SCN10A: variants seen among roughly 807,000 people sequenced by gnomAD.
SCN10A encodes the protein sodium channel protein type 10 subunit alpha.
A neutral mutation model predicts 170.7 loss-of-function variants in SCN10A; 162 were observed. The ratio of observed to expected loss-of-function variants is 0.95; its 90% CI spans 0.84 to 1.08. The LOEUF (loss-of-function observed/expected upper bound fraction) is 1.08, where lower values mean the gene tolerates loss of function less well. Among genes scored for constraint, SCN10A ranks in the 50% least tolerant of loss-of-function variants. The probability of loss-of-function intolerance (pLI) is 0.00; values close to 1 mark genes in which losing one functional copy is unlikely to be tolerated. For synonymous variants in SCN10A, 985 were observed against 904.6 expected (o/e 1.09, Z -1.59); for missense variants, 2,527 against 2,436.9 (o/e 1.04, Z -0.78).
chr3:38,758,700 C>T (rs1033602718), intron 8 of SCN10A, among the ~76,000 whole-genome samples: 1 of 152,154 alleles, frequency 6.6e-6, no homozygotes, highest in Non-Finnish European at 1.5e-5. Context: ...ACGGCATGCC[C>T]CGGCAGGGTT....
rs1014152552 is a variant in SCN10A, at chr3:38,725,436, T to G, written c.3088-122A>C. The stretch of plus-strand genomic sequence containing the variant: ...AAGAGTTTCATATATGCAACTCATG[T>G]ACATACATATATACATACACGTGTG... On this transcript the variant is annotated intron_variant, in intron 17 of 27. Transcript: ENST00000449082. 8 of 795,738 alleles carry G rather than the reference T, an allele frequency of 1.0e-5. No homozygotes were observed. In the Admixed American group the frequency reaches 2.1e-4, roughly 21 times the overall value. The allele number at this position is 795,738 out of a possible 1,614,324, so 49.3% of individuals were successfully genotyped here.
chr3:38,793,384 G>A (rs992007689), intron 2 of SCN10A, among the ~76,000 whole-genome samples: 7 of 152,028 alleles, frequency 4.6e-5, no homozygotes, highest in African/African-American at 9.7e-5. Context: ...TGTCCTCACC[G>A]CCATGCTCCT....
In SCN10A at chr3:38,697,100, A is replaced by T. The variant is rs2063096585; in HGVS notation, c.*249T>A. The T allele has an allele frequency of 5.5e-6, 3 of 540,718 alleles. No individual in the cohort carries two copies. The South Asian group carries it at 7.8e-5, about 14-fold the overall frequency. 33.5% of individuals were successfully genotyped at this position (540,718 alleles called of 1,614,324 possible). A position where few individuals can be genotyped will look rare whatever the true frequency, so the allele number is the denominator to read the frequency against. Reference sequence around the variant, plus strand: ...AGGGATATTTTCTGGAGAGTAAGAGAACCCATGATCTGATATTGAAATTCA... The same window carrying T: ...AGGGATATTTTCTGGAGAGTAAGAGTACCCATGATCTGATATTGAAATTCA... On this transcript the variant is annotated 3_prime_UTR_variant, in exon 28 of 28. Transcript: ENST00000449082.
chr3:38,725,807 T>G (rs868695292), intron 17 of SCN10A, among the ~76,000 whole-genome samples: 1 of 152,234 alleles, frequency 6.6e-6, no homozygotes, highest in African/African-American at 2.4e-5. Context: ...TGTCACAGAG[T>G]TCATGCTCTC....
chr3:38,796,805 C>T (rs1207352233), intron 1 of SCN10A, among the ~76,000 whole-genome samples: 1 of 152,066 alleles, frequency 6.6e-6, no homozygotes, highest in East Asian at 1.9e-4. Flanking sequence ...TGCACTTTCT[C>T]TATAAACATC....
At chr3:38,777,089 C>G (rs1416200158) in intron 4 of SCN10A, among the ~76,000 whole-genome samples, 1 of 151,994 alleles carries the variant, frequency 6.6e-6, no homozygotes, top group African/African-American at 2.4e-5. Flanking sequence ...GAAGCACACA[C>G]TTTAAAATCA....
chr3:38,752,291 G>T lies in SCN10A; in HGVS notation c.1683C>A (p.Asp561Glu), dbSNP rs762541504. Residue 561 changes from aspartate (D) to glutamate (E), a missense_variant, in exon 12 of 28, where the codon GAC becomes GAA. Coordinates refer to ENST00000449082, the MANE Select transcript of SCN10A (RefSeq NM_006514.4). ...RSPLPQPSNP[D>E]SRHGEDEHQP... ...GGTGTTCATCTTCTCCATGCCTGGA[G>T]TCAGGGTTGCTGGGTTGAGGAAGAG... 4.4e-6 allele frequency: 7 copies of T among 1,606,302 alleles called. No individual in the cohort carries two copies. The South Asian group carries it at 7.8e-5, about 18-fold the overall frequency.
chr3:38,711,556 G>A (rs116437284), intron 23 of SCN10A, among the ~76,000 whole-genome samples: 1,752 of 152,310 alleles, frequency 0.012, 38 homozygotes, highest in African/African-American at 0.039. Flanking sequence ...GCATACCAGA[G>A]CTACTCAGAG....
intron 5 of SCN10A, among the ~76,000 whole-genome samples, chr3:38,766,635 C>G (rs2063936325): frequency 6.6e-6 from 1 of 152,102 alleles, no homozygotes; most frequent in Non-Finnish European, 1.5e-5. Flanking sequence ...ATTCAATTAG[C>G]TAGCATTTTG....
In SCN10A at chr3:38,771,283, G is replaced by C; in HGVS notation, c.595C>G (p.Leu199Val). 6.2e-7 allele frequency: 1 copy of C among 1,613,932 alleles called. No individual in the cohort carries two copies. Residue 199 changes from leucine to valine, a missense_variant, in exon 5 of 28, where the codon CTG becomes GTG. Physicochemically the swap from Leu to Val is conservative, Grantham distance 32. Coordinates refer to ENST00000449082, the MANE Select transcript of SCN10A (RefSeq NM_006514.4). The part of the protein sequence containing the change: ...WNWLDFSVIT[L>V]AYVGTAIDLR... ...TCTGCATAGAGATATACTCACGCCA[G>C]GGTAATGACGCTAAAATCCAGCCAG...
At position 38,754,848 on chromosome 3, in the gene SCN10A, G is replaced by A. The variant is rs547339606; in HGVS notation, c.1461+940C>T. On this transcript the variant is annotated intron_variant, in intron 11 of 27. Transcript: ENST00000449082. ...AAAAGAGATTGAGAGGGAAGTGAGAGGTATAAAGCATAAAAAAATAGCCAT... is the reference window on the plus strand; with the variant it reads ...AAAAGAGATTGAGAGGGAAGTGAGAAGTATAAAGCATAAAAAAATAGCCAT... Among the ~76,000 whole-genome samples the A allele has an allele frequency of 3.8e-4, 57 of 151,706 alleles. 1 individual carries two copies. The highest frequency in any genetic ancestry group is 1.3e-3 in the African/African-American group (55 of 41,358).
At position 38,712,394 on chromosome 3, in the gene SCN10A, G is replaced by C. The variant is rs770020418; in HGVS notation, c.3856C>G (p.Leu1286Val). The change falls in exon 23 of 28, where the codon CTC becomes GTC. Residue 1286 changes from leucine (L) to valine (V), a missense_variant. Physicochemically the swap from Leu to Val is conservative, Grantham distance 32. Coordinates refer to ENST00000449082, the MANE Select transcript of SCN10A (RefSeq NM_006514.4). ...ATGAGCCAGAAGATGAGGCAGACGAGGAGGACATTCATGATGGATGGGATG... is the reference window on the plus strand; with the variant it reads ...ATGAGCCAGAAGATGAGGCAGACGACGAGGACATTCATGATGGATGGGATG... Reference protein sequence around the residue: ...GAIPSIMNVLLVCLIFWLIFS... With the variant: ...GAIPSIMNVLVVCLIFWLIFS... 1 of 1,614,200 alleles carries C rather than the reference G, an allele frequency of 6.2e-7. No homozygotes were observed. Among genetic ancestry groups the C allele is most frequent in the Non-Finnish European group, 8.5e-7 (1 of 1,180,032 alleles).
chr3:38,710,149 T>G (rs1267265015), intron 24 of SCN10A, among the ~76,000 whole-genome samples: 1 of 152,044 alleles, frequency 6.6e-6, no homozygotes, highest in East Asian at 1.9e-4. Context: ...CTCCCCAGCC[T>G]GGCTTTTTCT....
chr3:38,779,773 T>C (rs2126048388), intron 4 of SCN10A, among the ~76,000 whole-genome samples: 1 of 152,092 alleles, frequency 6.6e-6, no homozygotes, highest in African/African-American at 2.4e-5. Context: ...TGTCCAAGAA[T>C]TCTTTAAGAG....
chr3:38,739,534 A>G lies in SCN10A; in HGVS notation c.2261T>C (p.Val754Ala). The change falls in exon 15 of 28, where the codon GTG becomes GCG. Residue 754 changes from valine (V) to alanine (A), a missense_variant. Val to Ala is a moderately conservative substitution (Grantham distance 64). Transcript: ENST00000449082. Reference sequence around the variant, plus strand: ...CATTACCAAGCGGAAGCTCCGCAGCACAGACAGGCTTCCCTTCTTGGCCAC... The same window carrying G: ...CATTACCAAGCGGAAGCTCCGCAGCGCAGACAGGCTTCCCTTCTTGGCCAC... Reference protein sequence around the residue: ...LGVAKKGSLSVLRSFRLLRVF... With the variant: ...LGVAKKGSLSALRSFRLLRVF... 6.2e-7 allele frequency: 1 copy of G among 1,614,064 alleles called. No individual in the cohort carries two copies. Among genetic ancestry groups the G allele is most frequent in the Non-Finnish European group, 8.5e-7 (1 of 1,179,992 alleles).
chr3:38,745,296 T>C (rs1011369550), intron 13 of SCN10A, among the ~76,000 whole-genome samples: 2 of 152,148 alleles, frequency 1.3e-5, no homozygotes, highest in Non-Finnish European at 2.9e-5. Context: ...TTTCCTCCCT[T>C]CATCCTGTTA....
chr3:38,712,038 C>T, intron 23 of SCN10A, 123 bp downstream of exon 23: 1 of 892,076 alleles, frequency 1.1e-6, no homozygotes, highest in Non-Finnish European at 1.8e-6. Flanking sequence ...TAGAGAATGA[C>T]CTCAGTTCAC....
chr3:38,795,519 T>C (rs1268416685), intron 1 of SCN10A, among the ~76,000 whole-genome samples: 1 of 151,896 alleles, frequency 6.6e-6, no homozygotes, highest in South Asian at 2.1e-4. Flanking sequence ...TTGAAAAAAT[T>C]TTTTTGTAGG....
At chr3:38,775,878 G>A (rs1232665858) in intron 4 of SCN10A, among the ~76,000 whole-genome samples, 1 of 152,034 alleles carries the variant, frequency 6.6e-6, no homozygotes, top group Non-Finnish European at 1.5e-5. Context: ...TTACCAGCAG[G>A]AGTGCAATTG....
Sources: gnomAD v4.1 joint callset for allele counts (sites outside exome capture counted in the v4.1 genomes callset) on GRCh38, gnomAD v4.1.1 for gene constraint, MANE v1.5 for transcripts, NCBI Gene and HGNC (gene_info 2026-07-23, HGNC 2026-07-21) for gene names.